Variants in ADAMTSL1 observed in about 807,000 individuals in gnomAD.
ADAMTSL1 encodes the protein ADAMTS-like protein 1.
Under a neutral mutation model 201.8 loss-of-function variants are expected in ADAMTSL1, and 126 were observed. The ratio of observed to expected loss-of-function variants is 0.62; its 90% CI spans 0.54 to 0.72. ADAMTSL1 has a LOEUF of 0.72. Among genes scored for constraint, ADAMTSL1 ranks in the 30% least tolerant of loss-of-function variants. The pLI is 0.00. For missense variants in ADAMTSL1, 2,679 were observed against 2,277.8 expected, an observed-to-expected ratio of 1.18 and a Z score of -3.59; for synonymous variants, 1,121 against 903.4, an observed-to-expected ratio of 1.24 and a Z score of -4.32.
chr9:18,123,491 T>C (rs1292405722), intron 1 of ADAMTSL1, among the ~76,000 whole-genome samples: 1 of 152,196 alleles, frequency 6.6e-6, no homozygotes, highest in Non-Finnish European at 1.5e-5. Context: ...AGTAGTCTAG[T>C]TTTCTGATTG....
chr9:18,044,953 A>C (rs925585541), intron 1 of ADAMTSL1, among the ~76,000 whole-genome samples: 1 of 152,122 alleles, frequency 6.6e-6, no homozygotes, highest in Non-Finnish European at 1.5e-5. Flanking sequence ...ATGCACTTTT[A>C]TTCCTAAATA....
At chr9:18,150,134 A>G (rs1299752095) in intron 1 of ADAMTSL1, among the ~76,000 whole-genome samples, 2 of 152,078 alleles carry the variant, frequency 1.3e-5, no homozygotes, top group Non-Finnish European at 2.9e-5. Context: ...AAAGGTACAT[A>G]TATTTGAAAG....
intron 4 of ADAMTSL1, among the ~76,000 whole-genome samples, chr9:18,578,769 G>T (rs1448767895): frequency 1.3e-5 from 2 of 151,410 alleles, no homozygotes; most frequent in Non-Finnish European, 2.9e-5. Flanking sequence ...GGGTCAAATG[G>T]TATTTCTAGT....
At chr9:18,406,262 T>A (rs1315892266) in intron 2 of ADAMTSL1, among the ~76,000 whole-genome samples, 4 of 146,326 alleles carry the variant, frequency 2.7e-5, no homozygotes, top group Admixed American at 1.4e-4. Flanking sequence ...AAAAATAAAA[T>A]GGTATGGCTC....
At chr9:18,766,932 G>A (rs745815846) in intron 16 of ADAMTSL1, among the ~76,000 whole-genome samples, 2 of 152,142 alleles carry the variant, frequency 1.3e-5, no homozygotes, top group African/African-American at 2.4e-5. Flanking sequence ...ATTATGGTAT[G>A]CTGATTTCTT....
intron 2 of ADAMTSL1, among the ~76,000 whole-genome samples, chr9:18,260,554 T>C (rs990598265): frequency 2.0e-5 from 3 of 152,232 alleles, no homozygotes; most frequent in African/African-American, 7.2e-5. Context: ...AGGCTCACCA[T>C]TGGCCATCCC....
chr9:17,985,135 G>A (rs745817270), intron 1 of ADAMTSL1, among the ~76,000 whole-genome samples: 2 of 152,060 alleles, frequency 1.3e-5, no homozygotes. Flanking sequence ...CACAGTTTAA[G>A]TTTTCAGCTT....
chr9:18,764,075 T>C (rs1820228267), intron 16 of ADAMTSL1, among the ~76,000 whole-genome samples: 1 of 152,212 alleles, frequency 6.6e-6, no homozygotes, highest in Non-Finnish European at 1.5e-5. Flanking sequence ...AATCTGTAGA[T>C]TGCTTTGGGT....
At chr9:18,565,756 T>A (rs1007445972) in intron 3 of ADAMTSL1, among the ~76,000 whole-genome samples, 1 of 152,214 alleles carries the variant, frequency 6.6e-6, no homozygotes, top group Non-Finnish European at 1.5e-5. Flanking sequence ...CCACGCAGAC[T>A]GTCTAGACAG....
intron 1 of ADAMTSL1, among the ~76,000 whole-genome samples, chr9:17,950,723 C>T (rs1029182275): frequency 1.3e-5 from 2 of 151,934 alleles, no homozygotes; most frequent in South Asian, 2.1e-4. Context: ...CATTTATATC[C>T]GTCAGAGTCA....
chr9:18,385,811 A>G (rs889675585), intron 2 of ADAMTSL1, among the ~76,000 whole-genome samples: 4 of 152,182 alleles, frequency 2.6e-5, no homozygotes, highest in Admixed American at 2.6e-4. Context: ...CATGCTTGTC[A>G]CATTTATAGT....
intron 2 of ADAMTSL1, among the ~76,000 whole-genome samples, chr9:18,233,644 T>C: frequency 6.6e-6 from 1 of 152,046 alleles, no homozygotes; most frequent in Admixed American, 6.5e-5. Context: ...AATTGTGAAA[T>C]AAGAGAGAAA....
At chr9:18,489,087 CG>C (rs1822139253) in intron 1 of ADAMTSL1, among the ~76,000 whole-genome samples, 2 of 152,104 alleles carry the variant, frequency 1.3e-5, no homozygotes, top group Admixed American at 6.5e-5. Flanking sequence ...GATTCTGATA[CG>C]GTTGGTCTGG....
chr9:18,480,207 T>C (rs1223705936), intron 1 of ADAMTSL1, among the ~76,000 whole-genome samples: 1 of 152,224 alleles, frequency 6.6e-6, no homozygotes, highest in African/African-American at 2.4e-5. Context: ...CTAAAACCTG[T>C]TTCTTCTTGC....
At chr9:17,933,093 G>A (rs193165722) in intron 1 of ADAMTSL1, among the ~76,000 whole-genome samples, 1 of 152,246 alleles carries the variant, frequency 6.6e-6, no homozygotes, top group Non-Finnish European at 1.5e-5. Context: ...CACAAATCAA[G>A]TGGCTTAAAA....
intron 3 of ADAMTSL1, among the ~76,000 whole-genome samples, chr9:18,550,385 C>G (rs1483001449): frequency 6.6e-6 from 1 of 151,832 alleles, no homozygotes; most frequent in Non-Finnish European, 1.5e-5. Context: ...ATGATTGTAG[C>G]AAAAGAAACC....
At chr9:17,984,700 G>T (rs994919881) in intron 1 of ADAMTSL1, among the ~76,000 whole-genome samples, 6 of 152,068 alleles carry the variant, frequency 3.9e-5, no homozygotes, top group Non-Finnish European at 7.4e-5. Context: ...AGGATCCTAG[G>T]CTTGCAAGAT....
At chr9:18,265,441 T>C (rs1338921886) in intron 2 of ADAMTSL1, among the ~76,000 whole-genome samples, 2 of 152,330 alleles carry the variant, frequency 1.3e-5, no homozygotes, top group East Asian at 1.9e-4. Flanking sequence ...TTATACTTAA[T>C]AGAAGAGACT....
intron 1 of ADAMTSL1, among the ~76,000 whole-genome samples, chr9:18,150,854 C>T (rs867427996): frequency 3.6e-4 from 54 of 151,530 alleles, no homozygotes; most frequent in Middle Eastern, 3.4e-3. Flanking sequence ...TTCAGGGGCA[C>T]AGAAGTTTGG....
Sources: gnomAD v4.1 joint callset for allele counts (sites outside exome capture counted in the v4.1 genomes callset) on GRCh38, gnomAD v4.1.1 for gene constraint, MANE v1.5 for transcripts, NCBI Gene and HGNC (gene_info 2026-07-23, HGNC 2026-07-21) for gene names.